The following CFAP210 variants were observed in gnomAD, a reference collection of about 807,000 sequenced individuals.
CFAP210 encodes the protein cilia- and flagella- associated protein 210.
At chr2:169,676,914 A>G in the CFAP210 span, among the ~76,000 whole-genome samples, 3 of 152,208 alleles carry the variant, frequency 2.0e-5, no homozygotes, top group Non-Finnish European at 4.4e-5. Flanking sequence ...GGAGGAAAGT[A>G]GGGTGGAGGG....
chr2:169,660,321 C>T, the CFAP210 span, among the ~76,000 whole-genome samples: 1 of 150,814 alleles, frequency 6.6e-6, no homozygotes, highest in Non-Finnish European at 1.5e-5. Context: ...ACCCAGGAGG[C>T]AGAGGTTGCA....
the CFAP210 span, among the ~76,000 whole-genome samples, chr2:169,675,459 G>A: frequency 6.6e-6 from 1 of 152,320 alleles, no homozygotes; most frequent in South Asian, 2.1e-4. Flanking sequence ...CAAAGGGGGA[G>A]CAGGCATGTC....
chr2:169,685,588 T>G, the CFAP210 span, among the ~76,000 whole-genome samples: 36 of 152,286 alleles, frequency 2.4e-4, 1 homozygote, highest in South Asian at 7.5e-3. Context: ...CTTTGATGTA[T>G]TAATACTAAA....
At chr2:169,650,396 CT>C in the CFAP210 span, 1 of 1,602,568 alleles carries the variant, frequency 6.2e-7, no homozygotes. Context: ...TTCTCTTTCT[CT>C]TTTTTCCCAT....
At chr2:169,674,595 C>T in the CFAP210 span, 2 of 1,602,414 alleles carry the variant, frequency 1.2e-6, no homozygotes, top group Non-Finnish European at 1.7e-6. Flanking sequence ...TGATCTTTGG[C>T]AAGAGCCACC....
At chr2:169,688,180 T>G in the CFAP210 span, among the ~76,000 whole-genome samples, 1 of 152,228 alleles carries the variant, frequency 6.6e-6, no homozygotes, top group East Asian at 1.9e-4. Flanking sequence ...GAGGGGCTGC[T>G]GTGAAGGTCT....
At chr2:169,677,999 A>G in the CFAP210 span, among the ~76,000 whole-genome samples, 1 of 152,322 alleles carries the variant, frequency 6.6e-6, no homozygotes, top group Non-Finnish European at 1.5e-5. Flanking sequence ...ATCCAACGAA[A>G]GATGTATAAA....
At chr2:169,685,471 G>A in the CFAP210 span, among the ~76,000 whole-genome samples, 1 of 152,076 alleles carries the variant, frequency 6.6e-6, no homozygotes, top group Non-Finnish European at 1.5e-5. Context: ...TTTTATTGTT[G>A]AGTTGTAAGA....
chr2:169,646,276 C>G, the CFAP210 span: 1 of 894,728 alleles, frequency 1.1e-6, no homozygotes, highest in South Asian at 1.7e-5. Context: ...GTATAATTTT[C>G]TAAACTCATT....
the CFAP210 span, chr2:169,658,088 A>AAAAAG: frequency 7.2e-5 from 11 of 152,226 alleles, no homozygotes; most frequent in Non-Finnish European, 2.9e-5. Context: ...ATCAAGAAAG[A>AAAAAG]AAAAGACATA....
chr2:169,655,162 G>T, the CFAP210 span, among the ~76,000 whole-genome samples: 1 of 152,124 alleles, frequency 6.6e-6, no homozygotes, highest in Non-Finnish European at 1.5e-5. Context: ...CTGTTATTTA[G>T]ACAGGGTGTC....
chr2:169,652,783 C>T, the CFAP210 span, among the ~76,000 whole-genome samples: 1 of 150,340 alleles, frequency 6.7e-6, no homozygotes, highest in East Asian at 2.0e-4. Context: ...ATCACGAGGT[C>T]AGGAGATCGA....
At chr2:169,685,729 T>C in the CFAP210 span, among the ~76,000 whole-genome samples, 2 of 128,598 alleles carry the variant, frequency 1.6e-5, no homozygotes, top group Non-Finnish European at 3.7e-5. Flanking sequence ...AATAGTTTTA[T>C]AGTTCTAGCT....
the CFAP210 span, chr2:169,662,251 T>C: frequency 7.6e-6 from 12 of 1,583,910 alleles, no homozygotes; most frequent in African/African-American, 1.2e-4. Context: ...ACTTTGAACC[T>C]TTTTGGAACT....
At chr2:169,662,624 T>C in the CFAP210 span, among the ~76,000 whole-genome samples, 1 of 152,236 alleles carries the variant, frequency 6.6e-6, no homozygotes, top group Non-Finnish European at 1.5e-5. Flanking sequence ...TAACCTAGAA[T>C]TGGCAATACT....
the CFAP210 span, among the ~76,000 whole-genome samples, chr2:169,669,774 TAAAAAAA>T: frequency 0.11 from 14,903 of 133,212 alleles, 919 homozygotes; most frequent in Middle Eastern, 0.21. Context: ...GACTCCGTCT[TAAAAAAA>T]AAAAAAAAAA....
At chr2:169,694,384 G>T in the CFAP210 span, 4 of 1,557,680 alleles carry the variant, frequency 2.6e-6, no homozygotes, top group African/African-American at 4.1e-5. Flanking sequence ...ACGCCAGCCG[G>T]TGGAGTTGTT....
the CFAP210 span, among the ~76,000 whole-genome samples, chr2:169,656,703 C>G: frequency 6.6e-6 from 1 of 152,078 alleles, no homozygotes; most frequent in Non-Finnish European, 1.5e-5. Context: ...GTGACTCACA[C>G]CTGTAATCCC....
the CFAP210 span, chr2:169,649,174 G>A: frequency 0.43 from 676,855 of 1,588,784 alleles, 148,213 homozygotes; most frequent in African/African-American, 0.59. Context: ...ACATTCAGGA[G>A]TAATTACCAT....
Sources: gnomAD v4.1 joint callset for allele counts (sites outside exome capture counted in the v4.1 genomes callset) on GRCh38, gnomAD v4.1.1 for gene constraint, MANE v1.5 for transcripts, NCBI Gene and HGNC (gene_info 2026-07-23, HGNC 2026-07-21) for gene names.